ZCCHC7: variants seen among roughly 807,000 people sequenced by gnomAD.
ZCCHC7 encodes zinc finger CCHC domain-containing protein 7.
Under a neutral mutation model 52.0 loss-of-function variants are expected in ZCCHC7, and 35 were observed. The ratio of observed to expected loss-of-function variants is 0.67; its 90% CI spans 0.51 to 0.89. ZCCHC7 has a LOEUF of 0.89. Among genes scored for constraint, ZCCHC7 ranks in the 40% least tolerant of loss-of-function variants. The pLI is 0.00. For synonymous variants in ZCCHC7, 217 were observed against 221.5 expected (o/e 0.98, Z 0.18); for missense variants, 574 against 649.1 (o/e 0.88, Z 1.26).
intron 2 of ZCCHC7, among the ~76,000 whole-genome samples, chr9:37,185,953 C>G (rs1822631612): frequency 6.6e-6 from 1 of 151,752 alleles, no homozygotes; most frequent in South Asian, 2.1e-4. Context: ...TTTATTTTTA[C>G]AATTTCAGCC....
chr9:37,244,952 A>C (rs1007271257), intron 2 of ZCCHC7, among the ~76,000 whole-genome samples: 1 of 151,968 alleles, frequency 6.6e-6, no homozygotes, highest in Non-Finnish European at 1.5e-5. Flanking sequence ...AAGTGAATCA[A>C]ATCCTATTTT....
At chr9:37,263,815 G>C (rs1300946566) in intron 2 of ZCCHC7, among the ~76,000 whole-genome samples, 1 of 152,164 alleles carries the variant, frequency 6.6e-6, no homozygotes, top group South Asian at 2.1e-4. Flanking sequence ...AGTTTTGATA[G>C]ATTTTAAAAC....
intron 2 of ZCCHC7, among the ~76,000 whole-genome samples, chr9:37,296,881 T>TTGTGTTTGTG (rs1396008500): frequency 8.1e-6 from 1 of 124,136 alleles, no homozygotes; most frequent in Non-Finnish European, 1.7e-5. Context: ...CCTGGCTAGT[T>TTGTGTTTGTG]TGTGTGTGTG....
intron 2 of ZCCHC7, among the ~76,000 whole-genome samples, chr9:37,231,010 C>T (rs1825377365): frequency 6.6e-6 from 1 of 152,156 alleles, no homozygotes; most frequent in Non-Finnish European, 1.5e-5. Context: ...TCTCTCTCGG[C>T]TCACTGCAAT....
intron 7 of ZCCHC7, among the ~76,000 whole-genome samples, chr9:37,353,207 A>G (rs1821498978): frequency 6.6e-6 from 1 of 152,244 alleles, no homozygotes; most frequent in Admixed American, 6.5e-5. Flanking sequence ...AAATATATGT[A>G]TAAATTAACC....
At chr9:37,294,665 A>G (rs1225993487) in intron 2 of ZCCHC7, among the ~76,000 whole-genome samples, 8 of 152,154 alleles carry the variant, frequency 5.3e-5, no homozygotes, top group South Asian at 2.1e-4. Context: ...ATGTGCCCCA[A>G]TTCAGAACAG....
intron 2 of ZCCHC7, among the ~76,000 whole-genome samples, chr9:37,151,846 T>A (rs1820548779): frequency 6.6e-6 from 1 of 152,186 alleles, no homozygotes; most frequent in South Asian, 2.1e-4. Context: ...TAAGATGATG[T>A]TGAGGCTTTT....
At chr9:37,306,415 A>G (rs1829307417) in intron 5 of ZCCHC7, among the ~76,000 whole-genome samples, 1 of 151,422 alleles carries the variant, frequency 6.6e-6, no homozygotes, top group Admixed American at 6.6e-5. Context: ...TAGCAGTTAT[A>G]TACAGATGTT....
chr9:37,346,065 C>T (rs979635536), intron 6 of ZCCHC7, among the ~76,000 whole-genome samples: 5 of 152,070 alleles, frequency 3.3e-5, no homozygotes, highest in Admixed American at 6.6e-5. Context: ...TGCAATGGCA[C>T]GATCTCTGCT....
chr9:37,303,555 A>AG (rs1829141543), intron 3 of ZCCHC7, among the ~76,000 whole-genome samples: 1 of 151,970 alleles, frequency 6.6e-6, no homozygotes, highest in South Asian at 2.1e-4. Context: ...TTAAAAAAAA[A>AG]AAATCACATG....
chr9:37,223,492 A>G (rs1050280497), intron 2 of ZCCHC7, among the ~76,000 whole-genome samples: 1 of 152,062 alleles, frequency 6.6e-6, no homozygotes, highest in South Asian at 2.1e-4. Context: ...GTTGGGTGGG[A>G]GAAAGAAGTT....
chr9:37,336,094 T>C (rs1185495117), intron 6 of ZCCHC7, among the ~76,000 whole-genome samples: 1 of 152,032 alleles, frequency 6.6e-6, no homozygotes, highest in Non-Finnish European at 1.5e-5. Flanking sequence ...AGATAAGAAA[T>C]GAAACAAAAT....
At chr9:37,156,277 C>T (rs1189078910) in intron 2 of ZCCHC7, among the ~76,000 whole-genome samples, 1 of 152,170 alleles carries the variant, frequency 6.6e-6, no homozygotes, top group African/African-American at 2.4e-5. Flanking sequence ...TGAATTTTCT[C>T]CAGATGCGTG....
chr9:37,285,109 A>T (rs528843150), intron 2 of ZCCHC7, among the ~76,000 whole-genome samples: 1 of 152,284 alleles, frequency 6.6e-6, no homozygotes, highest in African/African-American at 2.4e-5. Flanking sequence ...GAAAGACAAT[A>T]GAATTAATAG....
chr9:37,191,585 A>T (rs1823024523), intron 2 of ZCCHC7, among the ~76,000 whole-genome samples: 1 of 152,134 alleles, frequency 6.6e-6, no homozygotes, highest in South Asian at 2.1e-4. Flanking sequence ...CCACCCCCGA[A>T]GGCTGTCTGC....
At chr9:37,213,024 A>G (rs556070949) in intron 2 of ZCCHC7, among the ~76,000 whole-genome samples, 2 of 152,214 alleles carry the variant, frequency 1.3e-5, no homozygotes, top group African/African-American at 4.8e-5. Flanking sequence ...AATTTACTGA[A>G]CTCTTCGCTT....
At chr9:37,348,790 A>G (rs971471457) in intron 6 of ZCCHC7, among the ~76,000 whole-genome samples, 7 of 152,032 alleles carry the variant, frequency 4.6e-5, no homozygotes, top group Admixed American at 4.6e-4. Flanking sequence ...CTTGTCTTCC[A>G]TTTACACCCG....
chr9:37,257,475 C>T (rs1826645732), intron 2 of ZCCHC7, among the ~76,000 whole-genome samples: 1 of 152,174 alleles, frequency 6.6e-6, no homozygotes, highest in Admixed American at 6.5e-5. Flanking sequence ...GATATGACAA[C>T]TCAACTATTT....
At chr9:37,307,636 T>A (rs1228072267) in intron 5 of ZCCHC7, among the ~76,000 whole-genome samples, 1 of 152,208 alleles carries the variant, frequency 6.6e-6, no homozygotes, top group Non-Finnish European at 1.5e-5. Flanking sequence ...ATAGTCTTTT[T>A]TCTTACAGCC....
Sources: allele counts gnomAD v4.1 joint callset (sites outside exome capture counted in the v4.1 genomes callset), GRCh38; gene constraint gnomAD v4.1.1; transcripts MANE v1.5; gene names NCBI Gene and HGNC (gene_info 2026-07-23, HGNC 2026-07-21).